The following WDR36 variants were observed in gnomAD, a reference collection of about 807,000 sequenced individuals.
WDR36 encodes the protein WD repeat-containing protein 36.
WDR36 carries 63 observed loss-of-function variants against 112.7 expected under a neutral mutation model. That is an observed-to-expected ratio of 0.56 (90% CI 0.46 to 0.69). WDR36 has a LOEUF of 0.69. Ranked by LOEUF, WDR36 falls within the 30% of genes least tolerant of loss-of-function variation. WDR36 has a pLI of 0.00. For synonymous variants in WDR36, 410 were observed against 362.2 expected, an observed-to-expected ratio of 1.13 and a Z score of -1.50; for missense variants, 1,226 against 1,070.3, an observed-to-expected ratio of 1.15 and a Z score of -2.03.
At chr5:111,095,298 C>T (rs1752951831) in intron 2 of WDR36, 1 of 215,936 alleles carries the variant, frequency 4.6e-6, no homozygotes, top group Non-Finnish European at 9.3e-6. Flanking sequence ...GGAGGAATCA[C>T]AGTGAATTGT....
intron 1 of WDR36, among the ~76,000 whole-genome samples, chr5:111,094,645 C>A (rs532648231): frequency 3.3e-5 from 5 of 152,106 alleles, no homozygotes; most frequent in Non-Finnish European, 7.4e-5. Context: ...GAGTAGTTGG[C>A]AACAGAGACC....
intron 15 of WDR36, among the ~76,000 whole-genome samples, chr5:111,112,587 C>G (rs771347556): frequency 6.6e-6 from 1 of 151,854 alleles, no homozygotes; most frequent in Non-Finnish European, 1.5e-5. Context: ...ATTATTTATC[C>G]ATTTTCATAG....
chr5:111,100,679 G>A lies in WDR36; in HGVS notation c.500G>A (p.Gly167Asp), dbSNP rs1488237179. Residue 167 changes from glycine to aspartate, a missense_variant, in exon 5 of 23, where the codon GGC (glycine) becomes GAC (aspartate). Gly to Asp is a moderately conservative substitution (Grantham distance 94, BLOSUM62 -1). Coordinates refer to ENST00000513710, the MANE Select transcript of WDR36 (RefSeq NM_139281.3). ...PSTYLNKILL[G>D]SEQGSLQLWN... ...ACCTACTTGAATAAAATACTTCTGGGCAGTGAACAAGGAAGCCTGCAGTTG... is the reference window on the plus strand; with the variant it reads ...ACCTACTTGAATAAAATACTTCTGGACAGTGAACAAGGAAGCCTGCAGTTG... 2.5e-6 allele frequency: 4 copies of A among 1,608,812 alleles called. No homozygotes were observed. The highest frequency in any genetic ancestry group is 2.2e-5 in the East Asian group (1 of 44,652).
chr5:111,124,078 T>A (rs1753625781), intron 20 of WDR36, 30 bp from the exon 21 acceptor site: 7 of 1,608,136 alleles, frequency 4.4e-6, no homozygotes, highest in Admixed American at 1.7e-5. Flanking sequence ...CTTGAATTAT[T>A]TGAATAATGT....
chr5:111,113,046 A>G, intron 15 of WDR36, 28 bp from the exon 16 acceptor site: 1 of 429,032 alleles, frequency 2.3e-6, no homozygotes. Context: ...ATATATATAT[A>G]TATATATTTT....
chr5:111,124,213 T>C, intron 21 of WDR36, 24 bp downstream of exon 21: 1 of 1,556,124 alleles, frequency 6.4e-7, no homozygotes, highest in Non-Finnish European at 8.8e-7. Flanking sequence ...TAAGATATTT[T>C]AACTAATATA....
chr5:111,093,069 G>C (rs1048137656), intron 1 of WDR36, among the ~76,000 whole-genome samples: 1 of 152,230 alleles, frequency 6.6e-6, no homozygotes, highest in East Asian at 1.9e-4. Context: ...ATTACCGTTA[G>C]GGAAAATATC....
chr5:111,129,837 T>G lies in WDR36; in HGVS notation c.*2954T>G. ...CATGTATTTTCCTCTACGACATGTT[T>G]CTGTGTGAGTAGTTAACATGTAGAT... On this transcript the variant is annotated 3_prime_UTR_variant, in exon 23 of 23. Coordinates refer to ENST00000513710, the MANE Select transcript of WDR36 (RefSeq NM_139281.3). The G allele has an allele frequency of 4.8e-6, 1 of 207,548 alleles. No individual in the cohort carries two copies. Among genetic ancestry groups the G allele is most frequent in the Non-Finnish European group, 9.8e-6 (1 of 101,794 alleles). The allele number at this position is 207,548 out of a possible 1,614,324, so 12.9% of individuals were successfully genotyped here. A position where few individuals can be genotyped will look rare whatever the true frequency, so the allele number is the denominator to read the frequency against.
chr5:111,113,212 A>T lies in WDR36; in HGVS notation c.1796+59A>T, dbSNP rs899418186. On this transcript the variant is annotated intron_variant, in intron 16 of 22. Coordinates refer to ENST00000513710, the MANE Select transcript of WDR36 (RefSeq NM_139281.3). ...AAGATTTCTAAGTTATTTTTTTCAC[A>T]TGTGACTTTTACCGATAGTTAATGG... The T allele has an allele frequency of 3.1e-5, 35 of 1,112,166 alleles. 2 individuals carry two copies. In the Admixed American group the frequency reaches 4.9e-4, roughly 16 times the overall value. The allele number at this position is 1,112,166 out of a possible 1,614,324, so 68.9% of individuals were successfully genotyped here.
chr5:111,097,516 A>C (rs1195155987), intron 3 of WDR36, among the ~76,000 whole-genome samples: 1 of 152,186 alleles, frequency 6.6e-6, no homozygotes, highest in Admixed American at 6.5e-5. Context: ...GTGTAGTTTT[A>C]AAATACTTTC....
chr5:111,105,787 C>A (rs1362282596), intron 10 of WDR36, among the ~76,000 whole-genome samples: 1 of 151,428 alleles, frequency 6.6e-6, no homozygotes, highest in Non-Finnish European at 1.5e-5. Context: ...ACAACAAAAT[C>A]TTACTTGGTT....
rs1467932369 is a variant in WDR36 at position 111,129,463 on chromosome 5, T to C, written c.*2580T>C. The C allele has an allele frequency of 1.0e-5, 2 of 193,042 alleles. No homozygotes were observed. Among genetic ancestry groups the C allele is most frequent in the Non-Finnish European group, 2.2e-5 (2 of 92,450 alleles). 12.0% of individuals were successfully genotyped at this position (193,042 alleles called of 1,614,324 possible). ...AATTATTTTGGTTTTAAATCAGAAA[T>C]TTCTCACTAGTGAAGATGGACATAT... On this transcript the variant is annotated 3_prime_UTR_variant, in exon 23 of 23. Coordinates refer to ENST00000513710, the MANE Select transcript of WDR36 (RefSeq NM_139281.3).
Position 111,128,433 on chromosome 5 carries a change from G to A in WDR36, c.*1550G>A, listed in dbSNP as rs1038283439. On this transcript the variant is annotated 3_prime_UTR_variant, in exon 23 of 23. Transcript: ENST00000513710. ...TGTGTATTGACTTATTAAAGCCACTGACAGAAATGTTAATCATGACTTAAG... is the reference window on the plus strand; with the variant it reads ...TGTGTATTGACTTATTAAAGCCACTAACAGAAATGTTAATCATGACTTAAG... 1.1e-5 allele frequency: 2 copies of A among 181,812 alleles called. No individual in the cohort carries two copies. Among genetic ancestry groups the A allele is most frequent in the Non-Finnish European group, 2.3e-5 (2 of 85,156 alleles). 11.3% of individuals were successfully genotyped at this position (181,812 alleles called of 1,614,324 possible).
chr5:111,111,034 A>C lies in WDR36; in HGVS notation c.1607+81A>C, dbSNP rs976976849. 12 of 1,578,752 alleles carry C rather than the reference A, an allele frequency of 7.6e-6. No individual in the cohort carries two copies. In the Admixed American group the frequency reaches 2.0e-4, roughly 26 times the overall value. Reference sequence around the variant, plus strand: ...AGTCACAATTTACCAAGTGGGAAAAATCAGACTCTTTAATAAAGAACAACA... The same window carrying C: ...AGTCACAATTTACCAAGTGGGAAAACTCAGACTCTTTAATAAAGAACAACA... On this transcript the variant is annotated intron_variant, in intron 14 of 22. Transcript: ENST00000513710.
At position 111,121,669 on chromosome 5, in the gene WDR36, G is replaced by A. The variant is rs902190810; in HGVS notation, c.2148+528G>A. Among the ~76,000 whole-genome samples, 3 of 152,260 alleles carry A rather than the reference G, an allele frequency of 2.0e-5. No individual in the cohort carries two copies. The East Asian group carries it at 5.8e-4, about 29-fold the overall frequency. ...CTAAATAATGTACCTGGAGAGTATG[G>A]TGGTGAAGAAAAAACAGCCCCTTTG... On this transcript the variant is annotated intron_variant, in intron 19 of 22. Transcript: ENST00000513710.
At chr5:111,094,593 A>G (rs553355928) in intron 1 of WDR36, among the ~76,000 whole-genome samples, 6 of 152,320 alleles carry the variant, frequency 3.9e-5, no homozygotes, top group Admixed American at 3.9e-4. Flanking sequence ...CACATTATTT[A>G]TCTATTACGT....
At position 111,125,677 on chromosome 5, in the gene WDR36, C is replaced by G. The variant is rs981340052; in HGVS notation, c.2420C>G (p.Ser807Cys). Residue 807 changes from serine to cysteine, a missense_variant, in exon 22 of 23, where the codon TCT (serine) becomes TGT (cysteine). Physicochemically the swap from Ser to Cys is moderately radical, Grantham distance 112. Transcript: ENST00000513710. ...SGIETELRSL[S>C]PDCGGSIEVM... is the part of the protein sequence containing the mutation. ...ATTGAAACAGAGCTGCGAAGCTTGT[C>G]TCCTGATTGTGGTGGGTCCATAGAA... is the stretch of plus-strand genomic sequence containing the variant. 4 of 1,613,732 alleles carry G rather than the reference C, an allele frequency of 2.5e-6. No homozygotes were observed. Among genetic ancestry groups the G allele is most frequent in the Admixed American group, 3.3e-5 (2 of 59,982 alleles).
In WDR36 at chr5:111,119,658, A is replaced by C. The variant is rs1580402970; in HGVS notation, c.1904+538A>C. Among the ~76,000 whole-genome samples the C allele has an allele frequency of 2.0e-5, 3 of 152,220 alleles. No individual in the cohort carries two copies. In the Middle Eastern group the frequency reaches 0.01, roughly 518 times the overall value. On this transcript the variant is annotated intron_variant, in intron 17 of 22. Transcript: ENST00000513710. ...AGAACATCACCTGGGTTTAGAAAAA[A>C]TTTTGTTTCTTTCCTAACTTTATAT...
intron 19 of WDR36, 47 bp downstream of exon 19, chr5:111,121,188 A>G (rs777826431): frequency 6.2e-7 from 1 of 1,607,914 alleles, no homozygotes; most frequent in Non-Finnish European, 8.5e-7. Flanking sequence ...ATCCAGAAGC[A>G]TTTTTATTTT....
Sources: gnomAD v4.1 joint callset for allele counts (sites outside exome capture counted in the v4.1 genomes callset) on GRCh38, gnomAD v4.1.1 for gene constraint, MANE v1.5 for transcripts, NCBI Gene and HGNC (gene_info 2026-07-23, HGNC 2026-07-21) for gene names.